Variants in SDK1 observed in about 807,000 individuals in gnomAD.
SDK1 encodes sidekick cell adhesion molecule 1.
Under a neutral mutation model 245.5 loss-of-function variants are expected in SDK1, and 157 were observed. That is an observed-to-expected ratio of 0.64 (90% confidence interval 0.56 to 0.73). SDK1 has a LOEUF of 0.73. SDK1 is among the 30% of genes least tolerant of loss of function. The pLI is 0.00. For missense variants in SDK1, 3,583 were observed against 3,002.3 expected (o/e 1.19, Z -4.52); for synonymous variants, 1,647 against 1,278.5 (o/e 1.29, Z -6.15).
Position 4,011,059 on chromosome 7 carries a change from G to A in SDK1, c.2225G>A (p.Arg742Gln), listed in dbSNP as rs746693649. ...ACTCCGGCTCGTACCTATCAATTCC[G>A]GGTGTGCGCGGTGAATGAAGTGGGC... ...GLTPARTYQF[R>Q]VCAVNEVGRG... is the part of the protein sequence containing the mutation. The change falls in exon 15 of 45, where the codon CGG becomes CAG. Residue 742 changes from arginine to glutamine, a missense_variant. Coordinates refer to ENST00000404826, the MANE Select transcript of SDK1 (RefSeq NM_152744.4). The A allele has an allele frequency of 3.1e-6, 5 of 1,614,100 alleles. No homozygotes were observed. The highest frequency in any genetic ancestry group is 2.2e-5 in the East Asian group (1 of 44,874).
chr7:4,017,209 G>T lies in SDK1; in HGVS notation c.2459G>T (p.Arg820Leu), dbSNP rs755904393. The T allele has an allele frequency of 3.7e-6, 6 of 1,613,618 alleles. No individual in the cohort carries two copies. In the African/African-American group the frequency reaches 6.7e-5, roughly 18 times the overall value. Residue 820 changes from arginine to leucine, a missense_variant, in exon 17 of 45, where the codon CGG becomes CTG. Arg to Leu is a moderately radical substitution (Grantham distance 102). Transcript: ENST00000404826. ...LAGLPGEYQQ[R>L]NITSPEVNYC... ...GGCCTTCCCGGAGAGTACCAGCAGC[G>T]GAACATCACCAGCCCGGAGGTGAAC...
At chr7:3,909,134 C>A (rs1036675010) in intron 5 of SDK1, among the ~76,000 whole-genome samples, 3 of 152,186 alleles carry the variant, frequency 2.0e-5, no homozygotes, top group Admixed American at 6.5e-5. Flanking sequence ...TAGGAAGTAT[C>A]TTGGCATAAG....
At chr7:4,056,529 A>T (rs1317183936) in intron 19 of SDK1, among the ~76,000 whole-genome samples, 2 of 152,146 alleles carry the variant, frequency 1.3e-5, no homozygotes, top group Non-Finnish European at 2.9e-5. Context: ...CGGGACTGAG[A>T]TCGGCTGGGA....
At chr7:3,921,161 C>T (rs1000366326) in intron 5 of SDK1, among the ~76,000 whole-genome samples, 4 of 152,132 alleles carry the variant, frequency 2.6e-5, no homozygotes, top group Admixed American at 2.0e-4. Flanking sequence ...ACAACCCAGA[C>T]ATGTGGCTAT....
At chr7:3,891,043 C>G (rs1174709636) in intron 5 of SDK1, among the ~76,000 whole-genome samples, 1 of 152,182 alleles carries the variant, frequency 6.6e-6, no homozygotes, top group Non-Finnish European at 1.5e-5. Context: ...TTTTGGGACC[C>G]AGGCTCTGGT....
intron 4 of SDK1, among the ~76,000 whole-genome samples, chr7:3,794,686 C>T (rs965610963): frequency 1.3e-5 from 2 of 152,148 alleles, no homozygotes; most frequent in African/African-American, 4.8e-5. Flanking sequence ...CAGATATAGT[C>T]CCTCGACCTT....
At chr7:4,179,782 C>T (rs545246463) in intron 35 of SDK1, among the ~76,000 whole-genome samples, 15 of 151,952 alleles carry the variant, frequency 9.9e-5, no homozygotes, top group African/African-American at 2.7e-4. Context: ...GGTGCCACTG[C>T]GGACGGCGGC....
chr7:3,586,425 C>T lies in SDK1; in HGVS notation c.299-32655C>T, dbSNP rs567558434. Among the ~76,000 whole-genome samples, 22 of 151,606 alleles carry T rather than the reference C, an allele frequency of 1.5e-4. No homozygotes were observed. The East Asian group carries it at 2.3e-3, about 16-fold the overall frequency. On this transcript the variant is annotated intron_variant, in intron 1 of 44. Coordinates refer to ENST00000404826, the MANE Select transcript of SDK1 (RefSeq NM_152744.4). ...TAGAAATAGAGGACAGGGCCGGGCG[C>T]GGTGGCTCACGCCTGTAATCCCAGC...
chr7:3,974,305 G>A (rs1782723971), intron 12 of SDK1, 64 bp from the exon 13 acceptor site: 1 of 1,433,926 alleles, frequency 7.0e-7, no homozygotes, highest in African/African-American at 1.4e-5. Context: ...TTAAGAGACA[G>A]GGAAGGAGCA....
chr7:3,730,451 A>G (rs1344514818), intron 4 of SDK1, among the ~76,000 whole-genome samples: 2 of 152,140 alleles, frequency 1.3e-5, no homozygotes, highest in African/African-American at 4.8e-5. Flanking sequence ...CAAAAAGCAG[A>G]TTGTGTGAAA....
At chr7:3,319,332 C>G (rs1232451356) in intron 1 of SDK1, among the ~76,000 whole-genome samples, 1 of 152,090 alleles carries the variant, frequency 6.6e-6, no homozygotes, top group Non-Finnish European at 1.5e-5. Flanking sequence ...AGGATTGTTG[C>G]ACCCAGAAAT....
At chr7:3,797,855 C>G (rs1779003262) in intron 4 of SDK1, among the ~76,000 whole-genome samples, 1 of 152,122 alleles carries the variant, frequency 6.6e-6, no homozygotes, top group South Asian at 2.1e-4. Context: ...TATGGTCTGT[C>G]TTTCAGCTCA....
At chr7:4,177,482 A>G (rs1270291716) in intron 34 of SDK1, among the ~76,000 whole-genome samples, 1 of 152,214 alleles carries the variant, frequency 6.6e-6, no homozygotes, top group Non-Finnish European at 1.5e-5. Flanking sequence ...TTCCCAGGAC[A>G]CGGCCGCTAA....
chr7:4,096,386 C>T (rs1374702417), intron 22 of SDK1, among the ~76,000 whole-genome samples: 1 of 152,054 alleles, frequency 6.6e-6, no homozygotes, highest in Non-Finnish European at 1.5e-5. Context: ...TAGCAACGAG[C>T]CACCCTCCCG....
chr7:4,233,341 G>A lies in SDK1; in HGVS notation c.5914G>A (p.Val1972Met), dbSNP rs373567404. ...CAGCCTGGATAAGCTCCGGCAAGGA[G>A]TGACTTACGAGTTCCGGGTGGTGGC... The part of the protein sequence containing the change: ...TLSLDKLRQG[V>M]TYEFRVVAVN... Residue 1972 changes from valine (V) to methionine (M), a missense_variant, in exon 41 of 45, where the codon GTG (valine) becomes ATG (methionine). Physicochemically the swap from Val to Met is conservative, Grantham distance 21. Transcript: ENST00000404826. 36 of 1,613,846 alleles carry A rather than the reference G, an allele frequency of 2.2e-5. No homozygotes were observed. The highest frequency in any genetic ancestry group is 3.0e-5 in the Non-Finnish European group (35 of 1,180,052).
In SDK1 at chr7:3,931,524, G is replaced by A. The variant is rs139300113; in HGVS notation, c.848-19399G>A. 5.6e-3 allele frequency among the ~76,000 whole-genome samples: 848 copies of A among 152,274 alleles called. 5 individuals carry two copies. Among genetic ancestry groups the A allele is most frequent in the South Asian group, 0.012 (58 of 4,824 alleles). On this transcript the variant is annotated intron_variant, in intron 5 of 44. Coordinates refer to ENST00000404826, the MANE Select transcript of SDK1 (RefSeq NM_152744.4). Reference sequence around the variant, plus strand: ...CAATAAAGAGTAAGTAAACAACTGCGTAGCTAACCAAGTCCCTCCTTTGTT... The same window carrying A: ...CAATAAAGAGTAAGTAAACAACTGCATAGCTAACCAAGTCCCTCCTTTGTT...
chr7:4,234,103 G>C (rs1333126602), intron 41 of SDK1, among the ~76,000 whole-genome samples: 1 of 152,226 alleles, frequency 6.6e-6, no homozygotes, highest in Non-Finnish European at 1.5e-5. Flanking sequence ...GCCCACGAGT[G>C]CCTGACAAGA....
At chr7:4,039,376 T>G (rs1272730651) in intron 17 of SDK1, among the ~76,000 whole-genome samples, 1 of 152,086 alleles carries the variant, frequency 6.6e-6, no homozygotes, top group Non-Finnish European at 1.5e-5. Flanking sequence ...AATATCAACC[T>G]AAGTAATTTT....
rs185004830 is a variant in SDK1, at chr7:3,997,961, G to A, written c.2131+10639G>A. 4.2e-3 allele frequency among the ~76,000 whole-genome samples: 641 copies of A among 152,340 alleles called. 5 individuals are homozygous for A. Among genetic ancestry groups the A allele is most frequent in the African/African-American group, 0.015 (611 of 41,582 alleles). On this transcript the variant is annotated intron_variant, in intron 14 of 44. Coordinates refer to ENST00000404826, the MANE Select transcript of SDK1 (RefSeq NM_152744.4). ...AGCAGGCACTTCCAAGCCTGCGAGG[G>A]CAGGGGGTCTTCCTGGGTCCCCAAG...
Sources: gnomAD v4.1 joint callset for allele counts (sites outside exome capture counted in the v4.1 genomes callset) on GRCh38, gnomAD v4.1.1 for gene constraint, MANE v1.5 for transcripts, NCBI Gene and HGNC (gene_info 2026-07-23, HGNC 2026-07-21) for gene names.